Variants in NBEA observed in about 807,000 individuals in gnomAD.
The protein encoded by NBEA is lysosomal-trafficking regulator 2.
In NBEA, 44 loss-of-function variants were observed where a neutral mutation model predicts 343.4. The observed-to-expected ratio is 0.13, with a 90% CI of 0.10 to 0.16. NBEA has a LOEUF of 0.16. Among genes scored for constraint, NBEA ranks in the 10% least tolerant of loss-of-function variants. The probability of loss-of-function intolerance (pLI) is 1.00; values close to 1 mark genes in which losing one functional copy is unlikely to be tolerated. For synonymous variants in NBEA, 1,175 were observed against 1,238.7 expected (o/e 0.95, Z 1.08); for missense variants, 2,555 against 3,631.3 (o/e 0.70, Z 7.62).
chr13:35,273,887 A>G (rs2034374669), intron 34 of NBEA, among the ~76,000 whole-genome samples: 1 of 151,990 alleles, frequency 6.6e-6, no homozygotes. Flanking sequence ...CTACCAACCA[A>G]AAAAAAGTCC....
chr13:35,638,222 G>A (rs543223865), intron 49 of NBEA, among the ~76,000 whole-genome samples: 214 of 152,154 alleles, frequency 1.4e-3, no homozygotes, highest in Non-Finnish European at 2.8e-3. Flanking sequence ...CTACTGAACT[G>A]TACTCTTAAA....
rs868494250 is a variant in NBEA at position 35,655,518 on chromosome 13, C to T, written c.8192-61C>T. ...TTTTTTAAAAAATCTGATAAAGTTA[C>T]ACTTATTACCATTTGAAGAAAAAGA... On this transcript the variant is annotated intron_variant, in intron 54 of 58. Coordinates refer to ENST00000379939, the MANE Select transcript of NBEA (RefSeq NM_001385012.1). 7 of 1,466,852 alleles carry T rather than the reference C, an allele frequency of 4.8e-6. No homozygotes were observed. The South Asian group carries it at 8.2e-5, about 17-fold the overall frequency. 90.9% of individuals were successfully genotyped at this position (1,466,852 alleles called of 1,614,324 possible). A position where few individuals can be genotyped will look rare whatever the true frequency, so the allele number is the denominator to read the frequency against.
rs1227786349 is a variant in NBEA, at chr13:35,117,427, A to G, written c.2016A>G (p.Pro672=). Residue 672 remains proline (P), a synonymous_variant, in exon 14 of 59, where the codon CCA becomes CCG. Coordinates refer to ENST00000379939, the MANE Select transcript of NBEA (RefSeq NM_001385012.1). ...GTTTTGTTCTAGATGGTCCCCGGCCATCACAAAAAGAAATTATATCACTGA... is the reference window on the plus strand; with the variant it reads ...GTTTTGTTCTAGATGGTCCCCGGCCGTCACAAAAAGAAATTATATCACTGA... The part of the protein sequence containing the change: ...ITPKGLDGPR[P]SQKEIISLRA... The G allele has an allele frequency of 9.4e-6, 13 of 1,376,978 alleles. No homozygotes were observed. Among genetic ancestry groups the G allele is most frequent in the East Asian group, 2.9e-5 (1 of 34,816 alleles). The allele number at this position is 1,376,978 out of a possible 1,614,324, so 85.3% of individuals were successfully genotyped here. A position where few individuals can be genotyped will look rare whatever the true frequency, so the allele number is the denominator to read the frequency against.
intron 49 of NBEA, among the ~76,000 whole-genome samples, chr13:35,643,749 G>A (rs1054196386): frequency 7.2e-5 from 11 of 152,166 alleles, no homozygotes. Flanking sequence ...CTTGCCCAAG[G>A]TTAGCATTCG....
chr13:35,209,965 A>C (rs1365432327), intron 32 of NBEA, among the ~76,000 whole-genome samples: 2 of 152,148 alleles, frequency 1.3e-5, no homozygotes, highest in Non-Finnish European at 2.9e-5. Context: ...TTCCAGTATT[A>C]GAGTTTCATT....
At chr13:35,205,130 A>G (rs1367812955) in intron 31 of NBEA, among the ~76,000 whole-genome samples, 1 of 152,184 alleles carries the variant, frequency 6.6e-6, no homozygotes, top group African/African-American at 2.4e-5. Context: ...GGGAAGGGGT[A>G]ATGTTGGTGA....
intron 38 of NBEA, among the ~76,000 whole-genome samples, chr13:35,431,012 A>T (rs940786380): frequency 1.4e-4 from 22 of 152,126 alleles, no homozygotes; most frequent in Non-Finnish European, 7.4e-5. Flanking sequence ...TAATGAAGTT[A>T]TAGATAACAA....
intron 20 of NBEA, 49 bp downstream of exon 20, chr13:35,156,255 TTC>T: frequency 6.9e-7 from 1 of 1,453,978 alleles, no homozygotes; most frequent in Non-Finnish European, 9.1e-7. Context: ...AATTAATATT[TTC>T]TCTCTTTTAG....
intron 30 of NBEA, among the ~76,000 whole-genome samples, chr13:35,184,583 A>T (rs2071556108): frequency 6.6e-6 from 1 of 152,150 alleles, no homozygotes. Flanking sequence ...AATGTGATGC[A>T]TAAGCAAAAG....
intron 10 of NBEA, among the ~76,000 whole-genome samples, chr13:35,072,657 A>G (rs747770963): frequency 2.0e-5 from 3 of 151,874 alleles, no homozygotes; most frequent in African/African-American, 7.3e-5. Flanking sequence ...TGCTTCCCAG[A>G]TTCAAGCAAT....
chr13:35,308,249 A>G lies in NBEA; in HGVS notation c.5839-1279A>G, dbSNP rs1479404438. ...TTTTTGTGAAGCTGAACCCATGGCC[A>G]GGGCAGCTGATCACCTCTGTACAAC... On this transcript the variant is annotated intron_variant, in intron 35 of 58. Coordinates refer to ENST00000379939, the MANE Select transcript of NBEA (RefSeq NM_001385012.1). Among the ~76,000 whole-genome samples, 10 of 151,308 alleles carry G rather than the reference A, an allele frequency of 6.6e-5. No individual in the cohort carries two copies. The Admixed American group carries it at 6.6e-4, about 10-fold the overall frequency.
chr13:35,530,380 A>G (rs1369697212), intron 41 of NBEA, among the ~76,000 whole-genome samples: 1 of 152,182 alleles, frequency 6.6e-6, no homozygotes, highest in Non-Finnish European at 1.5e-5. Flanking sequence ...CATGCCTGAC[A>G]GGATGGGGAC....
In NBEA at chr13:34,980,176, T is replaced by G. The variant is rs2152505942; in HGVS notation, c.294+37062T>G. Among the ~76,000 whole-genome samples the G allele has an allele frequency of 2.0e-5, 3 of 152,146 alleles. No individual in the cohort carries two copies. In the East Asian group the frequency reaches 5.8e-4, roughly 29 times the overall value. ...GTTGTTGTTTTGCCCTAGGATTGCC[T>G]TAGAGTCTAGCTGTTTTTTTTGTTG... On this transcript the variant is annotated intron_variant, in intron 1 of 58. Transcript: ENST00000379939.
intron 10 of NBEA, among the ~76,000 whole-genome samples, chr13:35,077,398 G>T (rs765204161): frequency 1.1e-4 from 16 of 152,022 alleles, no homozygotes; most frequent in Middle Eastern, 3.2e-3. Context: ...ATTTTCTAAT[G>T]TTACTGAGGA....
intron 33 of NBEA, among the ~76,000 whole-genome samples, chr13:35,226,297 G>A (rs1049938435): frequency 1.8e-4 from 27 of 152,096 alleles, no homozygotes; most frequent in African/African-American, 6.3e-4. Flanking sequence ...TCCTAATGAG[G>A]GGGCTTAACC....
chr13:35,529,494 T>C (rs935398164), intron 41 of NBEA, among the ~76,000 whole-genome samples: 1 of 152,180 alleles, frequency 6.6e-6, no homozygotes, highest in African/African-American at 2.4e-5. Flanking sequence ...AACACTAAAG[T>C]GTAGTAGAAA....
intron 10 of NBEA, among the ~76,000 whole-genome samples, chr13:35,083,902 AC>A (rs2064572808): frequency 6.6e-6 from 1 of 152,134 alleles, no homozygotes; most frequent in South Asian, 2.1e-4. Flanking sequence ...CAAACAGAAA[AC>A]AAAAAAAGGC....
At chr13:35,547,541 T>C (rs1181883828) in intron 41 of NBEA, among the ~76,000 whole-genome samples, 1 of 152,146 alleles carries the variant, frequency 6.6e-6, no homozygotes, top group African/African-American at 2.4e-5. Context: ...TCATATAAAT[T>C]ATGCCAGGAG....
chr13:35,040,563 C>T (rs2062612810), intron 1 of NBEA, among the ~76,000 whole-genome samples: 1 of 151,966 alleles, frequency 6.6e-6, no homozygotes, highest in Non-Finnish European at 1.5e-5. Flanking sequence ...AAATGAATTT[C>T]ATGTCTTAAA....
Sources: allele counts gnomAD v4.1 joint callset (sites outside exome capture counted in the v4.1 genomes callset), GRCh38; gene constraint gnomAD v4.1.1; transcripts MANE v1.5; gene names NCBI Gene and HGNC (gene_info 2026-07-23, HGNC 2026-07-21).